The following HIPK2 variants were observed in gnomAD, a reference collection of about 807,000 sequenced individuals.
HIPK2 encodes the protein homeodomain interacting protein kinase 2, also known as homeodomain-interacting protein kinase 2.
A neutral mutation model predicts 113.7 loss-of-function variants in HIPK2; 27 were observed. That is an observed-to-expected ratio of 0.24 (90% CI 0.17 to 0.33). HIPK2 has a LOEUF of 0.33. Ranked by LOEUF, HIPK2 falls within the 10% of genes least tolerant of loss-of-function variation. The pLI is 1.00. For synonymous variants in HIPK2, 631 were observed against 642.2 expected (o/e 0.98, Z 0.26); for missense variants, 1,257 against 1,588.0 (o/e 0.79, Z 3.54).
At chr7:139,707,560 G>A (rs754242118) in intron 2 of HIPK2, among the ~76,000 whole-genome samples, 2 of 152,244 alleles carry the variant, frequency 1.3e-5, no homozygotes, top group Non-Finnish European at 2.9e-5. Context: ...AATGAGAGAT[G>A]TTCAAGCTGG....
chr7:139,737,231 T>C (rs960377141), intron 1 of HIPK2, among the ~76,000 whole-genome samples: 2 of 152,028 alleles, frequency 1.3e-5, no homozygotes, highest in Non-Finnish European at 2.9e-5. Flanking sequence ...AACAAAAAGG[T>C]GGGAGGACGT....
chr7:139,754,030 G>A (rs757595137), intron 1 of HIPK2, among the ~76,000 whole-genome samples: 19 of 152,332 alleles, frequency 1.2e-4, no homozygotes, highest in Middle Eastern at 3.4e-3. Flanking sequence ...CGGGCGCCAC[G>A]CTGGAGCCAG....
At chr7:139,620,262 C>A in intron 7 of HIPK2, 139 bp downstream of exon 7, 1 of 1,254,474 alleles carries the variant, frequency 8.0e-7, no homozygotes, top group African/African-American at 1.5e-5. Flanking sequence ...AAGGAAATAA[C>A]CTTGGATGCA....
At chr7:139,640,976 G>A (rs1457924298) in intron 2 of HIPK2, among the ~76,000 whole-genome samples, 1 of 152,112 alleles carries the variant, frequency 6.6e-6, no homozygotes, top group Non-Finnish European at 1.5e-5. Flanking sequence ...ATACATTAAA[G>A]CATATACACT....
At chr7:139,751,964 G>A (rs886394619) in intron 1 of HIPK2, among the ~76,000 whole-genome samples, 2 of 152,152 alleles carry the variant, frequency 1.3e-5, no homozygotes, top group African/African-American at 4.8e-5. Flanking sequence ...AGAAAGGGAA[G>A]AAGAAAAGGA....
At chr7:139,719,720 C>T (rs1400690361) in intron 1 of HIPK2, among the ~76,000 whole-genome samples, 1 of 152,212 alleles carries the variant, frequency 6.6e-6, no homozygotes, top group Non-Finnish European at 1.5e-5. Context: ...TCTTTACATT[C>T]ATAGACAAGA....
intron 2 of HIPK2, among the ~76,000 whole-genome samples, chr7:139,638,373 C>T (rs957379532): frequency 3.3e-5 from 5 of 152,160 alleles, no homozygotes; most frequent in African/African-American, 1.2e-4. Context: ...ACAGACACTG[C>T]CCACTGTCTC....
intron 2 of HIPK2, among the ~76,000 whole-genome samples, chr7:139,660,855 G>A (rs1011808216): frequency 1.3e-5 from 2 of 152,174 alleles, no homozygotes; most frequent in African/African-American, 4.8e-5. Context: ...ATCTTGGCAG[G>A]AGATAGGAAG....
intron 2 of HIPK2, among the ~76,000 whole-genome samples, chr7:139,687,736 G>C (rs188761396): frequency 2.5e-3 from 382 of 152,254 alleles, no homozygotes; most frequent in Non-Finnish European, 3.6e-3. Context: ...TCCTAAACTT[G>C]CACACCTCAG....
At chr7:139,767,963 T>A (rs1796580120) in intron 1 of HIPK2, among the ~76,000 whole-genome samples, 1 of 152,214 alleles carries the variant, frequency 6.6e-6, no homozygotes, top group Non-Finnish European at 1.5e-5. Flanking sequence ...AAGACCAGGC[T>A]CTGGGTCCCT....
rs1295769819 is a variant in HIPK2 at position 139,716,122 on chromosome 7, G to C, written c.913C>G (p.Leu305Val). Residue 305 changes from leucine (L) to valine (V), a missense_variant, in exon 2 of 15, where the codon CTC (leucine) becomes GTC (valine). By Grantham distance (32) the Leu-to-Val change is conservative. Around this residue, in one of 5 missense-constraint regions of HIPK2, gnomAD observed 24 missense variants for 18.1 expected, o/e 1.33. Transcript: ENST00000406875. The surrounding 1 kb of genome is among the most constrained non-coding windows in gnomAD (Gnocchi z 9.3). The stretch of plus-strand genomic sequence containing the variant: ...ATCAGGGCTGTGGCTACCTGCTGGA[G>C]AACTGGGCGAATGTATTTGAGGGGC... ...PLPLKYIRPV[L>V]QQVATALMKL... 5 of 1,613,956 alleles carry C rather than the reference G, an allele frequency of 3.1e-6. No homozygotes were observed. The highest frequency in any genetic ancestry group is 4.2e-6 in the Non-Finnish European group (5 of 1,179,950).
chr7:139,732,457 C>T (rs1205492412), intron 1 of HIPK2, among the ~76,000 whole-genome samples: 4 of 152,302 alleles, frequency 2.6e-5, no homozygotes, highest in African/African-American at 9.6e-5. Context: ...GCCTTCCCCA[C>T]GTACATCTAA....
At position 139,627,392 on chromosome 7, in the gene HIPK2, A is replaced by AC. The variant is rs1800471928; in HGVS notation, c.1435-608dup. On this transcript the variant is annotated intron_variant, in intron 5 of 14. Coordinates refer to ENST00000406875, the MANE Select transcript of HIPK2 (RefSeq NM_022740.5). Reference sequence around the variant, plus strand: ...AAGGGCCTGAGTGTGCCCGTCCTCCACCTACAGCATATCATCCTTCTCATG... The same window carrying AC: ...AAGGGCCTGAGTGTGCCCGTCCTCCACCCTACAGCATATCATCCTTCTCATG... 2.0e-5 allele frequency among the ~76,000 whole-genome samples: 3 copies of AC among 152,116 alleles called. No homozygotes were observed. The South Asian group carries it at 6.2e-4, about 31-fold the overall frequency.
chr7:139,673,487 A>G (rs1802377911), intron 2 of HIPK2, among the ~76,000 whole-genome samples: 1 of 152,058 alleles, frequency 6.6e-6, no homozygotes. Context: ...TCTTTTTGTA[A>G]CACTAAGTGG....
rs925175700 is a variant in HIPK2 at position 139,630,658 on chromosome 7, G to A, written c.1347+507C>T. 1.3e-5 allele frequency among the ~76,000 whole-genome samples: 2 copies of A among 152,142 alleles called. No individual in the cohort carries two copies. The highest frequency in any genetic ancestry group is 4.8e-5 in the African/African-American group (2 of 41,422). Reference sequence around the variant, plus strand: ...AGTGATCCACCCGCCTCAGCCTCCCGAAGTGCTGGGATTACAGGCGTGAGC... The same window carrying A: ...AGTGATCCACCCGCCTCAGCCTCCCAAAGTGCTGGGATTACAGGCGTGAGC... On this transcript the variant is annotated intron_variant, in intron 4 of 14. Transcript: ENST00000406875. The surrounding 1 kb of genome is among the most constrained non-coding windows in gnomAD (Gnocchi z 4.0).
At chr7:139,661,264 C>G (rs762351576) in intron 2 of HIPK2, among the ~76,000 whole-genome samples, 2 of 152,188 alleles carry the variant, frequency 1.3e-5, no homozygotes, top group Non-Finnish European at 2.9e-5. Context: ...CAATCCGACA[C>G]CCAATATAAG....
chr7:139,607,464 T>C (rs1799659276), intron 9 of HIPK2, among the ~76,000 whole-genome samples: 1 of 152,096 alleles, frequency 6.6e-6, no homozygotes, highest in Non-Finnish European at 1.5e-5. Flanking sequence ...AAAAACAACA[T>C]ACTGAGATCA....
intron 2 of HIPK2, among the ~76,000 whole-genome samples, chr7:139,688,755 C>A (rs916270933): frequency 5.9e-5 from 9 of 151,976 alleles, no homozygotes; most frequent in African/African-American, 2.2e-4. Context: ...TCCCTCTTCC[C>A]ACCTCCCACC....
intron 2 of HIPK2, among the ~76,000 whole-genome samples, chr7:139,668,071 A>T (rs1802111933): frequency 6.6e-6 from 1 of 151,272 alleles, no homozygotes; most frequent in South Asian, 2.1e-4. Flanking sequence ...GGTTGCAGCA[A>T]GCCGAGATCA....
Sources: allele counts gnomAD v4.1 joint callset (sites outside exome capture counted in the v4.1 genomes callset), GRCh38; gene constraint gnomAD v4.1.1; regional missense constraint gnomAD v4.1.1; non-coding constraint Gnocchi (gnomAD v3.1); transcripts MANE v1.5; gene names NCBI Gene and HGNC (gene_info 2026-07-23, HGNC 2026-07-21).